The following STXBP5 variants were observed in gnomAD, a reference collection of about 807,000 sequenced individuals.
STXBP5 encodes the protein syntaxin-binding protein 5.
In STXBP5, 50 loss-of-function variants were observed where a neutral mutation model predicts 152.4. The ratio of observed to expected loss-of-function variants is 0.33; its 90% CI spans 0.26 to 0.42. The LOEUF is 0.42. Among genes scored for constraint, STXBP5 ranks in the 10% least tolerant of loss-of-function variants. The pLI is 1.00. For synonymous variants in STXBP5, 492 were observed against 494.7 expected, an observed-to-expected ratio of 0.99 and a Z score of 0.07; for missense variants, 1,167 against 1,388.6, an observed-to-expected ratio of 0.84 and a Z score of 2.54.
chr6:147,289,777 G>A (rs567101855), intron 8 of STXBP5, among the ~76,000 whole-genome samples: 4 of 151,280 alleles, frequency 2.6e-5, no homozygotes, highest in South Asian at 2.1e-4. Context: ...GGCAAAATAC[G>A]GTCTTACGCT....
At chr6:147,207,038 T>C (rs1776601864) in intron 2 of STXBP5, among the ~76,000 whole-genome samples, 1 of 151,906 alleles carries the variant, frequency 6.6e-6, no homozygotes. Context: ...GACATTACTA[T>C]TGTCAAAAAA....
intron 26 of STXBP5, among the ~76,000 whole-genome samples, chr6:147,380,153 A>G (rs1254353537): frequency 6.8e-6 from 1 of 147,556 alleles, no homozygotes; most frequent in African/African-American, 2.5e-5. Context: ...TGAAAATACA[A>G]AGAATTCAAA....
rs1461858910 is a variant in STXBP5 at position 147,387,718 on chromosome 6, C to T, written c.*2963C>T. ...TTTATGGATGTGAAAAATGCTGCTA[C>T]TTGTCTATGTTATTATGTGTAAGTA... On this transcript the variant is annotated 3_prime_UTR_variant, in exon 28 of 28. Coordinates refer to ENST00000321680, the MANE Select transcript of STXBP5 (RefSeq NM_001127715.4). 2 of 151,598 alleles carry T rather than the reference C, an allele frequency of 1.3e-5. No homozygotes were observed. Among genetic ancestry groups the T allele is most frequent in the African/African-American group, 4.8e-5 (2 of 41,334 alleles). 9.4% of individuals were successfully genotyped at this position (151,598 alleles called of 1,614,324 possible).
chr6:147,364,293 G>T, intron 25 of STXBP5, 127 bp downstream of exon 25: 1 of 787,988 alleles, frequency 1.3e-6, no homozygotes. Flanking sequence ...CCAGACTGTT[G>T]AATTAGACTT....
chr6:147,276,518 C>T (rs1780449638), intron 7 of STXBP5, among the ~76,000 whole-genome samples: 1 of 152,038 alleles, frequency 6.6e-6, no homozygotes, highest in African/African-American at 2.4e-5. Flanking sequence ...TATTTATATA[C>T]ATGATATACA....
chr6:147,205,218 A>G (rs1562405820), intron 1 of STXBP5, among the ~76,000 whole-genome samples: 1 of 152,134 alleles, frequency 6.6e-6, no homozygotes, highest in Non-Finnish European at 1.5e-5. Flanking sequence ...TAATGGCACG[A>G]TAATTGCCAT....
intron 4 of STXBP5, among the ~76,000 whole-genome samples, chr6:147,246,229 C>T (rs1030942952): frequency 3.3e-5 from 5 of 152,110 alleles, no homozygotes; most frequent in Non-Finnish European, 7.4e-5. Context: ...AGGAGCAAGT[C>T]GTGGGTTGAT....
intron 14 of STXBP5, 64 bp from the exon 15 acceptor site, chr6:147,315,450 TA>T (rs1782594463): frequency 1.8e-6 from 2 of 1,130,832 alleles, no homozygotes; most frequent in South Asian, 3.0e-5. Context: ...TATGAGTGAT[TA>T]AATGTTACCT....
intron 26 of STXBP5, among the ~76,000 whole-genome samples, chr6:147,381,527 C>T (rs1786083069): frequency 6.6e-6 from 1 of 152,072 alleles, no homozygotes; most frequent in Admixed American, 6.6e-5. Flanking sequence ...TATTCTATGC[C>T]TAGGCATATA....
intron 21 of STXBP5, 113 bp from the exon 22 acceptor site, chr6:147,353,209 TA>T (rs1416065927): frequency 2.1e-5 from 13 of 606,904 alleles, no homozygotes; most frequent in Non-Finnish European, 3.6e-5. Context: ...ATCTTTTATT[TA>T]TCTCGGCATC....
chr6:147,222,919 G>A (rs1024175947), intron 2 of STXBP5, among the ~76,000 whole-genome samples: 3 of 152,148 alleles, frequency 2.0e-5, no homozygotes, highest in Non-Finnish European at 4.4e-5. Flanking sequence ...TTCCTTACCC[G>A]GACACAGGTT....
At chr6:147,360,189 A>G (rs1022032701) in intron 23 of STXBP5, among the ~76,000 whole-genome samples, 1 of 152,124 alleles carries the variant, frequency 6.6e-6, no homozygotes, top group Non-Finnish European at 1.5e-5. Flanking sequence ...ACACTTTTAC[A>G]CTGTTGGTGG....
chr6:147,303,548 C>T lies in STXBP5; in HGVS notation c.918-6536C>T, dbSNP rs1350429613. On this transcript the variant is annotated intron_variant, in intron 9 of 27. Transcript: ENST00000321680. ...GTAAATTGGCACCAGGAGTGGGGCA[C>T]TGCTGAAAAGATATCCAAAAATGTG... Among the ~76,000 whole-genome samples the T allele has an allele frequency of 1.5e-4, 23 of 152,098 alleles. 1 individual carries two copies. Among genetic ancestry groups the T allele is most frequent in the Admixed American group, 1.4e-3 (22 of 15,262 alleles).
chr6:147,221,497 C>T lies in STXBP5; in HGVS notation c.249-13753C>T, dbSNP rs113816406. Among the ~76,000 whole-genome samples, 3 of 150,674 alleles carry T rather than the reference C, an allele frequency of 2.0e-5. 1 individual carries two copies. The highest frequency in any genetic ancestry group is 7.3e-5 in the African/African-American group (3 of 41,278). ...TTTTTGTTTGAGCAAGTTTTCATTA[C>T]TTCTTCAGTTTTGAAGGCTAATTTT... On this transcript the variant is annotated intron_variant, in intron 2 of 27. Coordinates refer to ENST00000321680, the MANE Select transcript of STXBP5 (RefSeq NM_001127715.4).
intron 10 of STXBP5, 61 bp downstream of exon 10, chr6:147,310,299 AGACCTAGGTTGTTT>A: frequency 1.6e-6 from 2 of 1,233,848 alleles, no homozygotes; most frequent in Non-Finnish European, 2.1e-6. Flanking sequence ...AAAAAAAAAA[AGACCTAGGTTGTTT>A]AGATAAAACT....
At chr6:147,208,129 A>G (rs1468699910) in intron 2 of STXBP5, among the ~76,000 whole-genome samples, 1 of 152,062 alleles carries the variant, frequency 6.6e-6, no homozygotes. Context: ...GTTTGCAATT[A>G]TACTCTAAAG....
chr6:147,371,929 T>G (rs190535576), intron 25 of STXBP5, among the ~76,000 whole-genome samples: 1 of 152,148 alleles, frequency 6.6e-6, no homozygotes, highest in Admixed American at 6.6e-5. Context: ...TTAATACATA[T>G]AGTTTAAATT....
At chr6:147,310,309 T>A in intron 10 of STXBP5, 71 bp downstream of exon 10, 1 of 1,164,264 alleles carries the variant, frequency 8.6e-7, no homozygotes, top group Non-Finnish European at 1.1e-6. Context: ...AGACCTAGGT[T>A]GTTTAGATAA....
rs965552811 is a variant in STXBP5 at position 147,387,396 on chromosome 6, G to A, written c.*2641G>A. On this transcript the variant is annotated 3_prime_UTR_variant, in exon 28 of 28. Transcript: ENST00000321680. Reference sequence around the variant, plus strand: ...TCTCCATATCCTCATTGTTTTTGTTGCATTTGTCCTTGACTCTAAAATCAC... The same window carrying A: ...TCTCCATATCCTCATTGTTTTTGTTACATTTGTCCTTGACTCTAAAATCAC... 4 of 151,486 alleles carry A rather than the reference G, an allele frequency of 2.6e-5. No homozygotes were observed. The highest frequency in any genetic ancestry group is 4.4e-5 in the Non-Finnish European group (3 of 67,672). The allele number at this position is 151,486 out of a possible 1,614,324, so 9.4% of individuals were successfully genotyped here. A position where few individuals can be genotyped will look rare whatever the true frequency, so the allele number is the denominator to read the frequency against.
Sources: gnomAD v4.1 joint callset for allele counts (sites outside exome capture counted in the v4.1 genomes callset) on GRCh38, gnomAD v4.1.1 for gene constraint, MANE v1.5 for transcripts, NCBI Gene and HGNC (gene_info 2026-07-23, HGNC 2026-07-21) for gene names.